The following SLC44A2 variants were observed in gnomAD, a reference collection of about 807,000 sequenced individuals.
SLC44A2 encodes the protein choline transporter-like protein 2.
In SLC44A2, 57 loss-of-function variants were observed where a neutral mutation model predicts 90.8. The ratio of observed to expected loss-of-function variants is 0.63; its 90% CI spans 0.51 to 0.78. The LOEUF is 0.78. Among genes scored for constraint, SLC44A2 ranks in the 30% least tolerant of loss-of-function variants. The pLI is 0.00. For synonymous variants in SLC44A2, 355 were observed against 360.7 expected (o/e 0.98, Z 0.18); for missense variants, 794 against 919.7 (o/e 0.86, Z 1.77).
At chr19:10,609,783 T>C (rs938879686) in intron 1 of SLC44A2, among the ~76,000 whole-genome samples, 41 of 152,038 alleles carry the variant, frequency 2.7e-4, no homozygotes, top group Admixed American at 1.6e-3. Flanking sequence ...TTTTTAAATG[T>C]ACAGATCTAT....
At chr19:10,639,715 C>CA (rs1002107358) in intron 20 of SLC44A2, among the ~76,000 whole-genome samples, 8 of 151,640 alleles carry the variant, frequency 5.3e-5, no homozygotes, top group African/African-American at 1.7e-4. Context: ...CCAGTCTCTA[C>CA]AAAAAAAATA....
At chr19:10,642,717 G>A (rs1345530432) in intron 21 of SLC44A2, among the ~76,000 whole-genome samples, 3 of 152,182 alleles carry the variant, frequency 2.0e-5, no homozygotes, top group African/African-American at 7.2e-5. Flanking sequence ...CTTTGACTGG[G>A]GGGAGGGGAT....
chr19:10,620,640 A>G (rs1261441739), upstream of SLC44A2, among the ~76,000 whole-genome samples: 2 of 152,140 alleles, frequency 1.3e-5, no homozygotes, highest in East Asian at 3.8e-4. Context: ...TATACTGGGG[A>G]CGCAGCCGGA....
chr19:10,624,528 C>A (rs2066914793), upstream of SLC44A2, among the ~76,000 whole-genome samples: 1 of 152,012 alleles, frequency 6.6e-6, no homozygotes, highest in African/African-American at 2.4e-5. Flanking sequence ...GCTTAGAAAT[C>A]CTGATCGACC....
Position 10,602,755 on chromosome 19 carries a change from G to C in SLC44A2, c.31+194G>C, listed in dbSNP as rs1410724635. The stretch of plus-strand genomic sequence containing the variant: ...GGGTCGCCCCGCGTCCCCTCCCCGG[G>C]AGCCCCAGCTCCCCCTCCGGCTGAT... On this transcript the variant is annotated intron_variant, in intron 1 of 21. Transcript: ENST00000407327. Among the ~76,000 whole-genome samples, 3 of 152,300 alleles carry C rather than the reference G, an allele frequency of 2.0e-5. No homozygotes were observed. In the East Asian group the frequency reaches 5.8e-4, roughly 29 times the overall value.
intron 1 of SLC44A2, among the ~76,000 whole-genome samples, chr19:10,617,127 A>C (rs1160472219): frequency 2.0e-5 from 3 of 148,260 alleles, no homozygotes; most frequent in Non-Finnish European, 3.0e-5. Context: ...TCATCGTGTT[A>C]GCCAGGATGG....
At chr19:10,622,330 A>G (rs2066900008), upstream of SLC44A2, among the ~76,000 whole-genome samples, 1 of 152,012 alleles carries the variant, frequency 6.6e-6, no homozygotes, top group Admixed American at 6.6e-5. Flanking sequence ...TTTCCTCGGA[A>G]TGAGGTGGGA....
At chr19:10,623,729 G>A (rs1325954223), upstream of SLC44A2, among the ~76,000 whole-genome samples, 5 of 148,146 alleles carry the variant, frequency 3.4e-5, no homozygotes, top group Admixed American at 6.8e-5. Context: ...TCGCTCTGTC[G>A]CCCAGGCTGG....
chr19:10,604,324 A>T lies in SLC44A2; in HGVS notation c.31+1763A>T, dbSNP rs373135774. On this transcript the variant is annotated intron_variant, in intron 1 of 21. Coordinates refer to the SLC44A2 transcript ENST00000407327. Reference sequence around the variant, plus strand: ...GGGAAGTGTGTTTCACACAGAAAGAACAGCAAACAAACCACGTAGTTACTT... The same window carrying T: ...GGGAAGTGTGTTTCACACAGAAAGATCAGCAAACAAACCACGTAGTTACTT... 4.6e-5 allele frequency among the ~76,000 whole-genome samples: 7 copies of T among 152,364 alleles called. No homozygotes were observed. The East Asian group carries it at 1.2e-3, about 25-fold the overall frequency.
chr19:10,634,356 C>T (rs1032607470), intron 10 of SLC44A2, among the ~76,000 whole-genome samples: 48 of 150,824 alleles, frequency 3.2e-4, no homozygotes, highest in African/African-American at 1.1e-3. Flanking sequence ...CCCAGCTGCT[C>T]GGGAAGCTGA....
chr19:10,618,276 G>A (rs1484014611), intron 1 of SLC44A2, among the ~76,000 whole-genome samples: 1 of 150,082 alleles, frequency 6.7e-6, no homozygotes, highest in Non-Finnish European at 1.5e-5. Context: ...CCGGGTTCAC[G>A]CCATTCTTCT....
intron 1 of SLC44A2, among the ~76,000 whole-genome samples, chr19:10,608,617 T>C (rs918626988): frequency 2.7e-4 from 40 of 150,272 alleles, no homozygotes; most frequent in Non-Finnish European, 5.0e-4. Flanking sequence ...ATTTGTATTA[T>C]TATTTTATTA....
At chr19:10,603,593 G>A (rs1918021923) in intron 1 of SLC44A2, among the ~76,000 whole-genome samples, 2 of 152,186 alleles carry the variant, frequency 1.3e-5, no homozygotes, top group Non-Finnish European at 2.9e-5. Flanking sequence ...TGCCAGGAGA[G>A]ACAGATCAGG....
intron 1 of SLC44A2, among the ~76,000 whole-genome samples, chr19:10,606,387 T>TAC (rs1197598101): frequency 1.3e-5 from 2 of 151,964 alleles, no homozygotes; most frequent in Non-Finnish European, 1.5e-5. Context: ...TATATATATA[T>TAC]ACATGTGGCC....
chr19:10,606,840 AAT>A (rs1431849646), intron 1 of SLC44A2, among the ~76,000 whole-genome samples: 1 of 141,668 alleles, frequency 7.1e-6, no homozygotes, highest in Non-Finnish European at 1.5e-5. Context: ...TATATATTAA[AAT>A]ATATATATAC....
At chr19:10,628,601 C>T (rs926665488) in intron 4 of SLC44A2, among the ~76,000 whole-genome samples, 3 of 152,156 alleles carry the variant, frequency 2.0e-5, no homozygotes, top group Admixed American at 6.6e-5. Flanking sequence ...TCCCACTACC[C>T]TCAGCCACTA....
chr19:10,603,573 C>T (rs1918021461), intron 1 of SLC44A2, among the ~76,000 whole-genome samples: 1 of 152,194 alleles, frequency 6.6e-6, no homozygotes, highest in Non-Finnish European at 1.5e-5. Context: ...ACTGTATGGC[C>T]TCAGGAGGCT....
intron 1 of SLC44A2, among the ~76,000 whole-genome samples, chr19:10,619,407 A>T (rs944488780): frequency 6.7e-6 from 1 of 149,450 alleles, no homozygotes; most frequent in Admixed American, 6.6e-5. Context: ...CAGCCTGGGC[A>T]ATACAGCCAG....
At chr19:10,623,984 C>T (rs1021231069), upstream of SLC44A2, among the ~76,000 whole-genome samples, 11 of 151,016 alleles carry the variant, frequency 7.3e-5, no homozygotes, top group African/African-American at 2.2e-4. Context: ...CCACCACACC[C>T]GGCTAATTTT....
Sources: gnomAD v4.1 joint callset for allele counts (sites outside exome capture counted in the v4.1 genomes callset) on GRCh38, gnomAD v4.1.1 for gene constraint, MANE v1.5 for transcripts, NCBI Gene and HGNC (gene_info 2026-07-23, HGNC 2026-07-21) for gene names.